Variants in BACH2 observed in about 807,000 individuals in gnomAD.
The protein encoded by BACH2 is transcription regulator protein BACH2.
A neutral mutation model predicts 61.8 loss-of-function variants in BACH2; 5 were observed. That is an observed-to-expected ratio of 0.08 (90% CI 0.04 to 0.17). BACH2 has a LOEUF of 0.17. Ranked by LOEUF, BACH2 falls within the 10% of genes least tolerant of loss-of-function variation. The probability of loss-of-function intolerance (pLI) is 1.00; values close to 1 mark genes in which losing one functional copy is unlikely to be tolerated. For synonymous variants in BACH2, 446 were observed against 440.1 expected (o/e 1.01, Z -0.17); for missense variants, 824 against 1,091.1 (o/e 0.76, Z 3.45).
rs1362114059 is a variant in BACH2, at chr6:90,121,336, A to T, written c.-161-32227T>A. Among the ~76,000 whole-genome samples the T allele has an allele frequency of 2.6e-5, 4 of 152,272 alleles. No individual in the cohort carries two copies. The East Asian group carries it at 7.7e-4, about 29-fold the overall frequency. On this transcript the variant is annotated intron_variant, in intron 4 of 8. Transcript: ENST00000257749. Reference sequence around the variant, plus strand: ...AAAACACCCAGTCAGGTTAGCTAAGAGGGCTCTGACTCTGTAACCAGCCTG... The same window carrying T: ...AAAACACCCAGTCAGGTTAGCTAAGTGGGCTCTGACTCTGTAACCAGCCTG...
chr6:90,202,021 G>A (rs1451562635), intron 4 of BACH2, among the ~76,000 whole-genome samples: 1 of 152,162 alleles, frequency 6.6e-6, no homozygotes. Context: ...TTCATATTAG[G>A]TTTATGTTAA....
At chr6:90,081,698 TC>T (rs1781728147) in intron 5 of BACH2, among the ~76,000 whole-genome samples, 1 of 151,572 alleles carries the variant, frequency 6.6e-6, no homozygotes, top group African/African-American at 2.4e-5. Flanking sequence ...ACAGACTTTT[TC>T]TTTTTTTTTT....
intron 8 of BACH2, among the ~76,000 whole-genome samples, chr6:89,937,391 C>G (rs1237676246): frequency 6.6e-6 from 1 of 152,198 alleles, no homozygotes; most frequent in South Asian, 2.1e-4. Context: ...TTTTCCAGCC[C>G]TTCTGCAGTT....
chr6:90,282,262 G>T (rs951004962), intron 1 of BACH2, among the ~76,000 whole-genome samples: 14 of 152,096 alleles, frequency 9.2e-5, no homozygotes, highest in African/African-American at 3.4e-4. Context: ...CATCACTCAG[G>T]TATTAGGCCT....
intron 5 of BACH2, among the ~76,000 whole-genome samples, chr6:90,059,552 T>C (rs1780567246): frequency 6.6e-6 from 1 of 152,216 alleles, no homozygotes; most frequent in Non-Finnish European, 1.5e-5. Flanking sequence ...TCAACCATTG[T>C]GGAAGTCAGT....
intron 5 of BACH2, among the ~76,000 whole-genome samples, chr6:90,073,421 AATCTTTTCTGTCAACAGAG>A (rs1344575662): frequency 6.6e-6 from 1 of 152,234 alleles, no homozygotes; most frequent in African/African-American, 2.4e-5. Context: ...ATCAGTAGGC[AATCTTTTCTGTCAACAGAG>A]ATCGAGATGA....
chr6:89,936,113 T>A (rs549832627), intron 8 of BACH2, among the ~76,000 whole-genome samples: 3 of 152,304 alleles, frequency 2.0e-5, no homozygotes, highest in Admixed American at 6.5e-5. Flanking sequence ...CACTGGATAT[T>A]CAGAGATGAT....
At chr6:90,043,964 A>G (rs1779661816) in intron 5 of BACH2, among the ~76,000 whole-genome samples, 1 of 152,188 alleles carries the variant, frequency 6.6e-6, no homozygotes, top group African/African-American at 2.4e-5. Context: ...TGCCTGAAAC[A>G]AAGATGGCTA....
At chr6:89,980,198 G>T (rs1775873660) in intron 6 of BACH2, among the ~76,000 whole-genome samples, 3 of 151,930 alleles carry the variant, frequency 2.0e-5, no homozygotes. Flanking sequence ...GGAGGCTGAA[G>T]CAAGAGAATT....
intron 4 of BACH2, among the ~76,000 whole-genome samples, chr6:90,156,944 G>A (rs1214582549): frequency 6.6e-6 from 1 of 152,208 alleles, no homozygotes; most frequent in Non-Finnish European, 1.5e-5. Flanking sequence ...GATGGTAGCT[G>A]GGGAGATGAG....
At chr6:90,151,812 T>C (rs1367069591) in intron 4 of BACH2, among the ~76,000 whole-genome samples, 1 of 152,226 alleles carries the variant, frequency 6.6e-6, no homozygotes, top group African/African-American at 2.4e-5. Flanking sequence ...AGTCATCTTG[T>C]ATTTCTTAAG....
chr6:90,158,854 T>C (rs1045317763), intron 4 of BACH2, among the ~76,000 whole-genome samples: 3 of 151,430 alleles, frequency 2.0e-5, no homozygotes, highest in Non-Finnish European at 4.4e-5. Flanking sequence ...CAAATGAAAA[T>C]ATGCTTCAGA....
At chr6:90,152,687 C>A (rs1364164245) in intron 4 of BACH2, among the ~76,000 whole-genome samples, 3 of 152,120 alleles carry the variant, frequency 2.0e-5, no homozygotes, top group Admixed American at 2.0e-4. Context: ...CAGAAGAATG[C>A]CTTTCATTTA....
chr6:89,982,318 C>A (rs905657742), intron 6 of BACH2, among the ~76,000 whole-genome samples: 2 of 151,774 alleles, frequency 1.3e-5, no homozygotes, highest in African/African-American at 2.4e-5. Flanking sequence ...TGGTCTTGGG[C>A]ACGTGGGGGT....
At chr6:90,230,761 T>G (rs1770070904) in intron 3 of BACH2, among the ~76,000 whole-genome samples, 1 of 152,142 alleles carries the variant, frequency 6.6e-6, no homozygotes, top group South Asian at 2.1e-4. Flanking sequence ...TAGCAGAACT[T>G]GACAGCCAGA....
rs1399426927 is a variant in BACH2 at position 89,974,699 on chromosome 6, A to G, written c.244-22837T>C. Among the ~76,000 whole-genome samples, 3 of 152,218 alleles carry G rather than the reference A, an allele frequency of 2.0e-5. 1 individual carries two copies. The highest frequency in any genetic ancestry group is 4.4e-5 in the Non-Finnish European group (3 of 68,038). On this transcript the variant is annotated intron_variant, in intron 6 of 8. Coordinates refer to ENST00000257749, the MANE Select transcript of BACH2 (RefSeq NM_021813.4). ...CTAATAAATCCTAACTTAATTAGGC[A>G]TATGTATCTTTTTCGTGGGACAAGG...
chr6:90,224,050 G>A (rs193068431), intron 3 of BACH2, among the ~76,000 whole-genome samples: 4 of 152,278 alleles, frequency 2.6e-5, no homozygotes, highest in East Asian at 1.9e-4. Context: ...CTGAATTCTG[G>A]AAATGAGCAG....
intron 4 of BACH2, among the ~76,000 whole-genome samples, chr6:90,126,048 G>A (rs1783835889): frequency 6.6e-6 from 1 of 152,186 alleles, no homozygotes. Context: ...AAAGTCTCTA[G>A]GCTCCACTTT....
chr6:90,114,985 A>G (rs1448159605), intron 4 of BACH2, among the ~76,000 whole-genome samples: 1 of 152,260 alleles, frequency 6.6e-6, no homozygotes, highest in East Asian at 1.9e-4. Flanking sequence ...GATCTCTACA[A>G]TAAGAATTAC....
Sources: gnomAD v4.1 joint callset for allele counts (sites outside exome capture counted in the v4.1 genomes callset) on GRCh38, gnomAD v4.1.1 for gene constraint, MANE v1.5 for transcripts, NCBI Gene and HGNC (gene_info 2026-07-23, HGNC 2026-07-21) for gene names.